CDC42EP1: variants seen among roughly 807,000 people sequenced by gnomAD.
The protein encoded by CDC42EP1 is CDC42 effector protein 1, also known as 55 kDa bone marrow stromal/endothelial cell protein.
In CDC42EP1, 6 loss-of-function variants were observed where a neutral mutation model predicts 7.4. That is an observed-to-expected ratio of 0.81 (90% CI 0.44 to 1.60). The LOEUF is 1.60. Among genes scored for constraint, CDC42EP1 ranks in the 40% most tolerant of loss-of-function variants. The pLI is 0.01. For missense variants in CDC42EP1, 567 were observed against 539.0 expected (o/e 1.05, Z -0.51); for synonymous variants, 238 against 227.1 (o/e 1.05, Z -0.43).
At chr22:37,568,080 C>G in intron 2 of CDC42EP1, 28 bp from the exon 3 acceptor site, 2 of 1,579,526 alleles carry the variant, frequency 1.3e-6, no homozygotes, top group Non-Finnish European at 1.7e-6. Context: ...GACCCCAGCT[C>G]TGAGCCCACT....
chr22:37,562,109 T>C (rs1440797823), intron 1 of CDC42EP1, among the ~76,000 whole-genome samples: 1 of 152,208 alleles, frequency 6.6e-6, no homozygotes, highest in Non-Finnish European at 1.5e-5. Flanking sequence ...GGCCTGCACC[T>C]GCACCCCACA....
At chr22:37,567,571 T>A (rs1925290346) in intron 2 of CDC42EP1, among the ~76,000 whole-genome samples, 1 of 152,124 alleles carries the variant, frequency 6.6e-6, no homozygotes, top group Non-Finnish European at 1.5e-5. Context: ...TGAGGACTGG[T>A]CCACAGAAAC....
In CDC42EP1 at chr22:37,560,515, C is replaced by T. The variant is rs1296661848; in HGVS notation, c.-352C>T. On this transcript the variant is annotated 5_prime_UTR_variant, in exon 1 of 3. Coordinates refer to ENST00000249014, the MANE Select transcript of CDC42EP1 (RefSeq NM_152243.3). ...CCAGCGACTCTCCCGGGCTGCCAGC[C>T]GGGACGCGCGGCCGCCGCCGCTGCA... 2 of 149,462 alleles carry T rather than the reference C, an allele frequency of 1.3e-5. No individual in the cohort carries two copies. Among genetic ancestry groups the T allele is most frequent in the African/African-American group, 4.9e-5 (2 of 41,210 alleles). 9.3% of individuals were successfully genotyped at this position (149,462 alleles called of 1,614,324 possible).
Position 37,568,838 on chromosome 22 carries a change from C to A in CDC42EP1, c.*18C>A. Reference sequence around the variant, plus strand: ...AGGTGTGAGGGGCTGGGGCACGGTCCCAGGGCCCCACCTAGGTGCAGAGCC... The same window carrying A: ...AGGTGTGAGGGGCTGGGGCACGGTCACAGGGCCCCACCTAGGTGCAGAGCC... On this transcript the variant is annotated 3_prime_UTR_variant, in exon 3 of 3. Transcript: ENST00000249014. 7.0e-7 allele frequency: 1 copy of A among 1,437,088 alleles called. No homozygotes were observed. Among genetic ancestry groups the A allele is most frequent in the East Asian group, 2.5e-5 (1 of 40,706 alleles). The allele number at this position is 1,437,088 out of a possible 1,614,324, so 89.0% of individuals were successfully genotyped here.
At position 37,568,567 on chromosome 22, in the gene CDC42EP1, G is replaced by C. The variant is rs527278681; in HGVS notation, c.923G>C (p.Gly308Ala). Residue 308 changes from glycine to alanine, a missense_variant, in exon 3 of 3, where the codon GGT (glycine) becomes GCT (alanine). Physicochemically the swap from Gly to Ala is moderately conservative, Grantham distance 60. Coordinates refer to ENST00000249014, the MANE Select transcript of CDC42EP1 (RefSeq NM_152243.3). ...AEVKSSPVGG[G>A]PRGPAGPALG... Reference sequence around the variant, plus strand: ...GTGAAGTCCAGCCCAGTGGGAGGGGGTCCCCGAGGACCTGCTGGCCCTGCC... The same window carrying C: ...GTGAAGTCCAGCCCAGTGGGAGGGGCTCCCCGAGGACCTGCTGGCCCTGCC... 141 of 1,605,646 alleles carry C rather than the reference G, an allele frequency of 8.8e-5. 1 individual carries two copies. The South Asian group carries it at 1.5e-3, about 17-fold the overall frequency.
chr22:37,568,006 C>T, intron 2 of CDC42EP1, 102 bp from the exon 3 acceptor site: 1 of 955,576 alleles, frequency 1.0e-6, no homozygotes, highest in Admixed American at 2.2e-5. Context: ...AGGGGAGGGA[C>T]TAGCCAGAGG....
intron 1 of CDC42EP1, chr22:37,563,507 G>C (rs759929494): frequency 2.6e-5 from 4 of 152,240 alleles, no homozygotes; most frequent in African/African-American, 9.6e-5. Context: ...CCCCCCACGA[G>C]GGGGAGGAGT....
Position 37,566,416 on chromosome 22 carries a change from T to G in CDC42EP1, c.67T>G (p.Trp23Gly), listed in dbSNP as rs1381926132. The G allele has an allele frequency of 3.7e-6, 6 of 1,604,890 alleles. No individual in the cohort carries two copies. The highest frequency in any genetic ancestry group is 5.1e-6 in the Non-Finnish European group (6 of 1,175,550). Residue 23 changes from tryptophan (W) to glycine (G), a missense_variant, in exon 2 of 3, where the codon TGG becomes GGG. Coordinates refer to ENST00000249014, the MANE Select transcript of CDC42EP1 (RefSeq NM_152243.3). The surrounding 1 kb of genome is among the most constrained non-coding windows in gnomAD (Gnocchi z 6.4). ...CCTGGGCAAGCTCTCGCCTGTGGGC[T>G]GGGTGTCCAGTTCACAGGGAAAGAG... ...MSLGKLSPVG[W>G]VSSSQGKRRL... is the part of the protein sequence containing the mutation.
intron 1 of CDC42EP1, among the ~76,000 whole-genome samples, chr22:37,561,820 GA>G (rs1925050233): frequency 6.6e-6 from 1 of 152,168 alleles, no homozygotes; most frequent in African/African-American, 2.4e-5. Flanking sequence ...ACCCCCAGGT[GA>G]ATGCCAGGGT....
Position 37,568,878 on chromosome 22 carries a change from CA to C in CDC42EP1, c.*59del, listed in dbSNP as rs770167231. The C allele has an allele frequency of 4.5e-5, 55 of 1,227,252 alleles. No homozygotes were observed. Among genetic ancestry groups the C allele is most frequent in the Admixed American group, 6.6e-5 (2 of 30,176 alleles). The allele number at this position is 1,227,252 out of a possible 1,614,324, so 76.0% of individuals were successfully genotyped here. A position where few individuals can be genotyped will look rare whatever the true frequency, so the allele number is the denominator to read the frequency against. ...GGTGCAGAGCCGGCCCCTCACCTAA[CA>C]GCTGGTTCCTACCAGACCGGAGAGG... is the stretch of plus-strand genomic sequence containing the variant. On this transcript the variant is annotated 3_prime_UTR_variant, in exon 3 of 3. Coordinates refer to ENST00000249014, the MANE Select transcript of CDC42EP1 (RefSeq NM_152243.3).
In CDC42EP1 at chr22:37,569,105, C is replaced by G. The variant is rs1203252095; in HGVS notation, c.*285C>G. 1 of 295,878 alleles carries G rather than the reference C, an allele frequency of 3.4e-6. No individual in the cohort carries two copies. Among genetic ancestry groups the G allele is most frequent in the East Asian group, 5.4e-5 (1 of 18,442 alleles). The allele number at this position is 295,878 out of a possible 1,614,324, so 18.3% of individuals were successfully genotyped here. A position where few individuals can be genotyped will look rare whatever the true frequency, so the allele number is the denominator to read the frequency against. ...ATGCCACCCCCACCAGCTGGAGGAC[C>G]CAGCCTCACAGTGTGTCCTTTGTGC... is the stretch of plus-strand genomic sequence containing the variant. On this transcript the variant is annotated 3_prime_UTR_variant, in exon 3 of 3. Transcript: ENST00000249014.
At position 37,568,361 on chromosome 22, in the gene CDC42EP1, G is replaced by C. The variant is rs746292047; in HGVS notation, c.717G>C (p.Thr239=). 2.0e-6 allele frequency: 3 copies of C among 1,471,824 alleles called. No individual in the cohort carries two copies. The highest frequency in any genetic ancestry group is 2.4e-5 in the East Asian group (1 of 40,870). The allele number at this position is 1,471,824 out of a possible 1,614,324, so 91.2% of individuals were successfully genotyped here. A position where few individuals can be genotyped will look rare whatever the true frequency, so the allele number is the denominator to read the frequency against. Residue 239 remains threonine, a synonymous_variant, in exon 3 of 3, where the codon ACG becomes ACC. Transcript: ENST00000249014. ...ANPPAPTANP[T]GPAANPPATT... The stretch of plus-strand genomic sequence containing the variant: ...CCCCAGCCCCTACTGCAAACCCCAC[G>C]GGTCCTGCTGCAAACCCCCCAGCCA...
In CDC42EP1 at chr22:37,566,835, C is replaced by T; in HGVS notation, c.463+23C>T. On this transcript the variant is annotated intron_variant, in intron 2 of 2. Coordinates refer to ENST00000249014, the MANE Select transcript of CDC42EP1 (RefSeq NM_152243.3). This position sits in a 1 kb window ranked among gnomAD's most constrained non-coding sequence, Gnocchi z 6.4. Reference sequence around the variant, plus strand: ...ACGGTGAGGGCCTGGGCCATCTTGGCCCACTTTTCAGAGGCTGAGGCTGAG... The same window carrying T: ...ACGGTGAGGGCCTGGGCCATCTTGGTCCACTTTTCAGAGGCTGAGGCTGAG... 1 of 1,513,880 alleles carries T rather than the reference C, an allele frequency of 6.6e-7. No homozygotes were observed. The highest frequency in any genetic ancestry group is 8.9e-7 in the Non-Finnish European group (1 of 1,128,988). The allele number at this position is 1,513,880 out of a possible 1,614,324, so 93.8% of individuals were successfully genotyped here. A position where few individuals can be genotyped will look rare whatever the true frequency, so the allele number is the denominator to read the frequency against.
intron 2 of CDC42EP1, among the ~76,000 whole-genome samples, chr22:37,567,647 A>G (rs1925292597): frequency 6.6e-6 from 1 of 152,166 alleles, no homozygotes; most frequent in African/African-American, 2.4e-5. Context: ...TCATTTCTAT[A>G]CAGTCAGACC....
chr22:37,565,285 T>C (rs745305664), intron 1 of CDC42EP1, among the ~76,000 whole-genome samples: 68 of 146,736 alleles, frequency 4.6e-4, no homozygotes, highest in Middle Eastern at 3.4e-3. Context: ...CCTCCTAGGC[T>C]CAAAGGATCC....
intron 1 of CDC42EP1, among the ~76,000 whole-genome samples, chr22:37,563,459 G>A (rs1025762531): frequency 6.6e-6 from 1 of 152,076 alleles, no homozygotes; most frequent in Non-Finnish European, 1.5e-5. Context: ...TCTCGGTGCC[G>A]GGGGTGCCAG....
chr22:37,567,990 C>A, intron 2 of CDC42EP1, 118 bp from the exon 3 acceptor site: 1 of 797,404 alleles, frequency 1.3e-6, no homozygotes, highest in Non-Finnish European at 2.1e-6. Flanking sequence ...GAAACCGAGG[C>A]CAGAGAGGGG....
rs770073258 is a variant in CDC42EP1, at chr22:37,568,326, G to C, written c.682G>C (p.Ala228Pro). The C allele has an allele frequency of 1.2e-6, 2 of 1,602,162 alleles. No homozygotes were observed. The highest frequency in any genetic ancestry group is 8.5e-7 in the Non-Finnish European group (1 of 1,176,538). The part of the protein sequence containing the change: ...EAPAAETPAP[A>P]ANPPAPTANP... ...CCCTGCAGCTGAGACTCCAGCCCCC[G>C]CTGCAAACCCCCCAGCCCCTACTGC... Residue 228 changes from alanine (A) to proline (P), a missense_variant, in exon 3 of 3, where the codon GCT (alanine) becomes CCT (proline). Transcript: ENST00000249014.
In CDC42EP1 at chr22:37,566,662, C is replaced by T. The variant is rs199905468; in HGVS notation, c.313C>T (p.Pro105Ser). Residue 105 changes from proline to serine, a missense_variant, in exon 2 of 3, where the codon CCC (proline) becomes TCC (serine). Coordinates refer to ENST00000249014, the MANE Select transcript of CDC42EP1 (RefSeq NM_152243.3). The surrounding 1 kb of genome is among the most constrained non-coding windows in gnomAD (Gnocchi z 6.4). ...PPRRMASPPA[P>S]SPAPPAISPI... ...CCGGAGGATGGCATCTCCCCCTGCACCCTCCCCGGCTCCACCGGCCATCTC... is the reference window on the plus strand; with the variant it reads ...CCGGAGGATGGCATCTCCCCCTGCATCCTCCCCGGCTCCACCGGCCATCTC... The T allele has an allele frequency of 5.6e-6, 9 of 1,604,762 alleles. No homozygotes were observed. The highest frequency in any genetic ancestry group is 6.0e-6 in the Non-Finnish European group (7 of 1,174,896).
Sources: gnomAD v4.1 joint callset for allele counts (sites outside exome capture counted in the v4.1 genomes callset) on GRCh38, gnomAD v4.1.1 for gene constraint, Gnocchi (gnomAD v3.1) non-coding constraint, MANE v1.5 for transcripts, NCBI Gene and HGNC (gene_info 2026-07-23, HGNC 2026-07-21) for gene names.